Variants in SLIT3 observed in about 807,000 individuals in gnomAD.
The protein encoded by SLIT3 is slit homolog 3 protein.
A neutral mutation model predicts 184.0 loss-of-function variants in SLIT3; 68 were observed. That is an observed-to-expected ratio of 0.37 (90% CI 0.30 to 0.45). SLIT3 has a LOEUF of 0.45. Ranked by LOEUF, SLIT3 falls within the 20% of genes least tolerant of loss-of-function variation. SLIT3 has a pLI of 1.00. For missense variants in SLIT3, 1,707 were observed against 2,026.0 expected, an observed-to-expected ratio of 0.84 and a Z score of 3.02; for synonymous variants, 831 against 828.6, an observed-to-expected ratio of 1.00 and a Z score of -0.05.
chr5:169,283,343 C>T (rs1488565257), intron 1 of SLIT3, among the ~76,000 whole-genome samples: 1 of 152,204 alleles, frequency 6.6e-6, no homozygotes. Flanking sequence ...GGGAAGCAGG[C>T]ATAGTCTGGT....
At chr5:168,768,377 A>T in intron 14 of SLIT3, 1 of 450,580 alleles carries the variant, frequency 2.2e-6, no homozygotes, top group South Asian at 1.6e-5. Flanking sequence ...GTGGGGTTCC[A>T]CTGGAACACT....
At chr5:168,928,809 A>G (rs1761906026) in intron 4 of SLIT3, among the ~76,000 whole-genome samples, 1 of 152,130 alleles carries the variant, frequency 6.6e-6, no homozygotes, top group Admixed American at 6.5e-5. Flanking sequence ...TTTTCATGAT[A>G]TTTCTGGAAG....
chr5:169,226,673 G>T (rs1323689507), intron 3 of SLIT3, among the ~76,000 whole-genome samples: 1 of 152,140 alleles, frequency 6.6e-6, no homozygotes, highest in Non-Finnish European at 1.5e-5. Context: ...CATTATTCAT[G>T]CATTCTAGGG....
At chr5:169,046,523 C>T (rs746562295) in intron 4 of SLIT3, among the ~76,000 whole-genome samples, 8 of 152,220 alleles carry the variant, frequency 5.3e-5, no homozygotes, top group Non-Finnish European at 1.2e-4. Flanking sequence ...AATCCTATCC[C>T]TACACTTGGA....
chr5:169,042,088 G>A (rs1757465970), intron 4 of SLIT3, among the ~76,000 whole-genome samples: 1 of 152,178 alleles, frequency 6.6e-6, no homozygotes, highest in Admixed American at 6.5e-5. Flanking sequence ...CATAGGCAAG[G>A]AAAATGGAAG....
Position 168,844,657 on chromosome 5 carries a change from T to C in SLIT3, c.486-2A>G. On this transcript the variant is annotated splice_acceptor_variant, in intron 5 of 35. Transcript: ENST00000519560. LOFTEE classifies it high-confidence loss of function. The stretch of plus-strand genomic sequence containing the variant: ...CTGATGTGGTTGTTGTCCAGTTGCC[T>C]GTGGAAAAGCAGGGGAGAGCATGAA... The C allele has an allele frequency of 6.2e-7, 1 of 1,614,088 alleles. No individual in the cohort carries two copies. The highest frequency in any genetic ancestry group is 8.5e-7 in the Non-Finnish European group (1 of 1,180,008).
intron 3 of SLIT3, among the ~76,000 whole-genome samples, chr5:169,236,345 A>G (rs949061289): frequency 1.3e-5 from 2 of 152,152 alleles, no homozygotes; most frequent in East Asian, 3.8e-4. Context: ...CATTTTTCCA[A>G]GACGCTTTAA....
chr5:168,719,332 G>A (rs1012806662), intron 23 of SLIT3, among the ~76,000 whole-genome samples: 2 of 152,218 alleles, frequency 1.3e-5, no homozygotes, highest in African/African-American at 4.8e-5. Context: ...GATTACAGGC[G>A]TGAGCCACCA....
At chr5:169,132,227 G>A (rs1218125951) in intron 4 of SLIT3, among the ~76,000 whole-genome samples, 1 of 152,172 alleles carries the variant, frequency 6.6e-6, no homozygotes, top group Non-Finnish European at 1.5e-5. Flanking sequence ...GTATGACAGA[G>A]GGCTGAAGAG....
At chr5:168,990,795 C>A (rs1258280965) in intron 4 of SLIT3, among the ~76,000 whole-genome samples, 1 of 152,156 alleles carries the variant, frequency 6.6e-6, no homozygotes, top group Non-Finnish European at 1.5e-5. Flanking sequence ...GGTCAGTCTG[C>A]AAGAACACGC....
intron 27 of SLIT3, among the ~76,000 whole-genome samples, chr5:168,699,713 T>A (rs1216848641): frequency 6.6e-6 from 1 of 152,200 alleles, no homozygotes; most frequent in African/African-American, 2.4e-5. Context: ...GCAAGTCCAT[T>A]TCTGTGTCTC....
chr5:168,919,432 A>C (rs1375466376), intron 4 of SLIT3, among the ~76,000 whole-genome samples: 1 of 152,152 alleles, frequency 6.6e-6, no homozygotes, highest in African/African-American at 2.4e-5. Flanking sequence ...TATAAGAAAA[A>C]TAATTATGTT....
At chr5:169,021,345 G>A (rs1433091098) in intron 4 of SLIT3, among the ~76,000 whole-genome samples, 1 of 151,970 alleles carries the variant, frequency 6.6e-6, no homozygotes, top group Non-Finnish European at 1.5e-5. Context: ...TGGTGAGATA[G>A]TATTCTTTTT....
At chr5:169,217,060 T>C (rs571685506) in intron 3 of SLIT3, among the ~76,000 whole-genome samples, 7 of 151,556 alleles carry the variant, frequency 4.6e-5, no homozygotes, top group African/African-American at 1.5e-4. Context: ...CACATATTTA[T>C]TCCTCACTAA....
intron 5 of SLIT3, among the ~76,000 whole-genome samples, chr5:168,853,459 C>A (rs1211547780): frequency 6.6e-6 from 1 of 152,098 alleles, no homozygotes; most frequent in African/African-American, 2.4e-5. Context: ...CTTAACATTC[C>A]GTAAGCTGTA....
chr5:168,989,762 C>A (rs1265447724), intron 4 of SLIT3, among the ~76,000 whole-genome samples: 1 of 152,168 alleles, frequency 6.6e-6, no homozygotes, highest in African/African-American at 2.4e-5. Flanking sequence ...AGAAAATCAG[C>A]TCAGAGATCT....
intron 5 of SLIT3, among the ~76,000 whole-genome samples, chr5:168,851,090 G>A (rs1758653949): frequency 6.6e-6 from 1 of 152,146 alleles, no homozygotes; most frequent in African/African-American, 2.4e-5. Context: ...TTGGGAGGCC[G>A]AGGCAGGGGG....
intron 4 of SLIT3, among the ~76,000 whole-genome samples, chr5:169,082,986 G>C (rs988674236): frequency 5.9e-5 from 9 of 152,154 alleles, no homozygotes; most frequent in Non-Finnish European, 1.3e-4. Flanking sequence ...CAAATAAAGT[G>C]ATCACAGAAT....
In SLIT3 at chr5:168,666,626, C is replaced by T; in HGVS notation, c.4400G>A (p.Cys1467Tyr). Reference protein sequence around the residue: ...VIRRQKGYASCATASKVPIME... With the variant: ...VIRRQKGYASYATASKVPIME... ...GATGGGCACCTTGGAGGCTGTGGCA[C>T]ATGATGCATAACCTTTCTGGCGGCG... Residue 1467 changes from cysteine (C) to tyrosine (Y), a missense_variant, in exon 36 of 36, where the codon TGT becomes TAT. Around this residue, in one of 3 missense-constraint regions of SLIT3, gnomAD observed 387 missense variants for 477.9 expected, o/e 0.81. Coordinates refer to ENST00000519560, the MANE Select transcript of SLIT3 (RefSeq NM_003062.4). 1.9e-6 allele frequency: 3 copies of T among 1,614,222 alleles called. No individual in the cohort carries two copies. The highest frequency in any genetic ancestry group is 2.5e-6 in the Non-Finnish European group (3 of 1,180,038).
Sources: gnomAD v4.1 joint callset for allele counts (sites outside exome capture counted in the v4.1 genomes callset) on GRCh38, gnomAD v4.1.1 for gene constraint, gnomAD v4.1.1 regional missense constraint, MANE v1.5 for transcripts, NCBI Gene and HGNC (gene_info 2026-07-23, HGNC 2026-07-21) for gene names.